RAB3C: variants seen among roughly 807,000 people sequenced by gnomAD.
RAB3C encodes RAB3C, member RAS oncogene family.
In RAB3C, 17 loss-of-function variants were observed where a neutral mutation model predicts 26.4. That is an observed-to-expected ratio of 0.64 (90% CI 0.44 to 0.97). The LOEUF (loss-of-function observed/expected upper bound fraction) is 0.97. RAB3C is among the 50% of genes least tolerant of loss of function. The pLI is 0.00. For synonymous variants in RAB3C, 91 were observed against 95.9 expected, an observed-to-expected ratio of 0.95 and a Z score of 0.30; for missense variants, 242 against 281.9, an observed-to-expected ratio of 0.86 and a Z score of 1.01.
intron 2 of RAB3C, among the ~76,000 whole-genome samples, chr5:58,645,255 AC>A (rs1475311767): frequency 6.6e-6 from 1 of 152,230 alleles, no homozygotes; most frequent in Non-Finnish European, 1.5e-5. Flanking sequence ...GATTATTAGC[AC>A]CACAGTATAT....
At chr5:58,613,640 C>G (rs563919828) in intron 1 of RAB3C, among the ~76,000 whole-genome samples, 10 of 152,120 alleles carry the variant, frequency 6.6e-5, no homozygotes, top group African/African-American at 9.6e-5. Flanking sequence ...ATGTTCATAA[C>G]AGTTAATGTG....
At chr5:58,837,631 T>C (rs1743781140) in intron 4 of RAB3C, among the ~76,000 whole-genome samples, 2 of 148,308 alleles carry the variant, frequency 1.3e-5, no homozygotes, top group South Asian at 4.4e-4. Context: ...CAATGTAGGA[T>C]CACTGCAACC....
At chr5:58,802,626 T>C (rs1038997285) in intron 3 of RAB3C, among the ~76,000 whole-genome samples, 1 of 152,234 alleles carries the variant, frequency 6.6e-6, no homozygotes, top group African/African-American at 2.4e-5. Context: ...TCTAGCCTTT[T>C]TTGATGGGCT....
At chr5:58,605,153 AC>A (rs1746533022) in intron 1 of RAB3C, among the ~76,000 whole-genome samples, 1 of 152,148 alleles carries the variant, frequency 6.6e-6, no homozygotes, top group Non-Finnish European at 1.5e-5. Context: ...TGGGGCACTC[AC>A]AGTATTTGGG....
intron 3 of RAB3C, among the ~76,000 whole-genome samples, chr5:58,736,469 C>G (rs1741138141): frequency 6.6e-6 from 1 of 152,212 alleles, no homozygotes; most frequent in Admixed American, 6.5e-5. Flanking sequence ...GCACTGCTGT[C>G]TCTCCCTCTG....
chr5:58,599,676 T>C (rs1746407148), intron 1 of RAB3C, among the ~76,000 whole-genome samples: 1 of 152,008 alleles, frequency 6.6e-6, no homozygotes, highest in Admixed American at 6.6e-5. Context: ...TTTGATAAAA[T>C]TCATCTCCTT....
At chr5:58,817,361 A>T (rs955260143) in intron 3 of RAB3C, among the ~76,000 whole-genome samples, 3 of 152,142 alleles carry the variant, frequency 2.0e-5, no homozygotes, top group Non-Finnish European at 1.5e-5. Flanking sequence ...ATTTTTAAGG[A>T]TATCTTTTTA....
intron 2 of RAB3C, among the ~76,000 whole-genome samples, chr5:58,633,176 A>G (rs1476220887): frequency 6.6e-6 from 1 of 152,192 alleles, no homozygotes; most frequent in African/African-American, 2.4e-5. Context: ...ATACGGTTTC[A>G]TTTCTTCAAC....
chr5:58,661,156 T>TG (rs1457493473), intron 2 of RAB3C, among the ~76,000 whole-genome samples: 2 of 150,202 alleles, frequency 1.3e-5, no homozygotes, highest in Non-Finnish European at 2.9e-5. Context: ...ATTCATTATG[T>TG]GAAAAAAAAG....
intron 2 of RAB3C, among the ~76,000 whole-genome samples, chr5:58,666,054 A>G (rs1233101512): frequency 6.6e-6 from 1 of 152,174 alleles, no homozygotes; most frequent in Non-Finnish European, 1.5e-5. Flanking sequence ...TGTTTCTGCA[A>G]TAGATTTCTG....
intron 1 of RAB3C, among the ~76,000 whole-genome samples, chr5:58,598,551 C>T (rs769301517): frequency 6.6e-6 from 1 of 152,020 alleles, no homozygotes; most frequent in Non-Finnish European, 1.5e-5. Context: ...ATGAGTTTAG[C>T]AGATTTTTAG....
chr5:58,588,544 G>A (rs1225709730), intron 1 of RAB3C, among the ~76,000 whole-genome samples: 1 of 151,956 alleles, frequency 6.6e-6, no homozygotes, highest in Non-Finnish European at 1.5e-5. Flanking sequence ...TATGCATCTG[G>A]GGGGTTTGTT....
rs75182727 is a variant in RAB3C at position 58,812,308 on chromosome 5, C to T, written c.372-12730C>T. On this transcript the variant is annotated intron_variant, in intron 3 of 4. Coordinates refer to ENST00000282878, the MANE Select transcript of RAB3C (RefSeq NM_138453.4). ...CTCTCCACTTCCCAGAGGTCCAGTC[C>T]CTGCTCCTCATTCCTCCCGATGCCA... Among the ~76,000 whole-genome samples the T allele has an allele frequency of 5.9e-3, 902 of 152,186 alleles. 6 individuals are homozygous for T. Among genetic ancestry groups the T allele is most frequent in the African/African-American group, 0.02 (845 of 41,518 alleles).
chr5:58,606,282 G>C (rs1285040302), intron 1 of RAB3C, among the ~76,000 whole-genome samples: 3 of 152,200 alleles, frequency 2.0e-5, no homozygotes, highest in Non-Finnish European at 4.4e-5. Flanking sequence ...CACCAACGCA[G>C]CCTTGCTCAC....
At chr5:58,672,086 T>C (rs1042889189) in intron 2 of RAB3C, among the ~76,000 whole-genome samples, 1 of 152,212 alleles carries the variant, frequency 6.6e-6, no homozygotes, top group Non-Finnish European at 1.5e-5. Flanking sequence ...TGTCTCACTA[T>C]AGAGCTTTCA....
rs1491325521 is a variant in RAB3C, at chr5:58,583,114, CAG to C, written c.-92_-91del. 3.1e-5 allele frequency: 50 copies of C among 1,599,614 alleles called. No individual in the cohort carries two copies. The highest frequency in any genetic ancestry group is 3.5e-5 in the Admixed American group (2 of 57,592). On this transcript the variant is annotated 5_prime_UTR_variant, in exon 1 of 5. An upstream open reading frame in the 5' UTR gains an earlier in-frame stop. Transcript: ENST00000282878. Reference sequence around the variant, plus strand: ...AGCCGGTTAGCGAACCCCAAGAGTGCAGAGTGTGGAGCGTGGAGCGCCGGGAC... The same window carrying C: ...AGCCGGTTAGCGAACCCCAAGAGTGCAGTGTGGAGCGTGGAGCGCCGGGAC...
chr5:58,822,047 C>G (rs1021677839), intron 3 of RAB3C, among the ~76,000 whole-genome samples: 1 of 151,788 alleles, frequency 6.6e-6, no homozygotes, highest in Admixed American at 6.6e-5. Context: ...TTCAATATTT[C>G]TCTCCTGACC....
intron 4 of RAB3C, among the ~76,000 whole-genome samples, chr5:58,845,612 A>ATATATATATATATATATATG: frequency 1.2e-5 from 1 of 81,744 alleles, no homozygotes; most frequent in African/African-American, 5.8e-5. Flanking sequence ...ATATATATAT[A>ATATATATATATATATATATG]TGTGTGTGTG....
chr5:58,730,661 A>C (rs1740993202), intron 3 of RAB3C, among the ~76,000 whole-genome samples: 1 of 152,154 alleles, frequency 6.6e-6, no homozygotes, highest in Admixed American at 6.6e-5. Flanking sequence ...ATTATTCAGA[A>C]AGAAAAAAAA....
Sources: gnomAD v4.1 joint callset for allele counts (sites outside exome capture counted in the v4.1 genomes callset) on GRCh38, gnomAD v4.1.1 for gene constraint, MANE v1.5 for transcripts, NCBI Gene and HGNC (gene_info 2026-07-23, HGNC 2026-07-21) for gene names.